Variants in BIN2 observed in about 807,000 individuals in gnomAD.
BIN2 encodes breast cancer associated protein BRAP1.
Under a neutral mutation model 67.9 loss-of-function variants are expected in BIN2, and 43 were observed. The observed-to-expected ratio is 0.63, with a 90% CI of 0.50 to 0.82. BIN2 has a LOEUF of 0.82. Among genes scored for constraint, BIN2 ranks in the 40% least tolerant of loss-of-function variants. The pLI, the probability that BIN2 is intolerant of heterozygous loss-of-function variation, is 0.00. For synonymous variants in BIN2, 244 were observed against 246.8 expected, an observed-to-expected ratio of 0.99 and a Z score of 0.11; for missense variants, 581 against 671.6, an observed-to-expected ratio of 0.87 and a Z score of 1.49.
At chr12:51,284,330 A>C (rs1458883189) in intron 12 of BIN2, among the ~76,000 whole-genome samples, 2 of 152,250 alleles carry the variant, frequency 1.3e-5, no homozygotes, top group Non-Finnish European at 2.9e-5. Flanking sequence ...TATACCATAC[A>C]GCCACACATA....
At chr12:51,282,572 A>G (rs1945141109) in intron 12 of BIN2, among the ~76,000 whole-genome samples, 1 of 152,170 alleles carries the variant, frequency 6.6e-6, no homozygotes, top group Non-Finnish European at 1.5e-5. Context: ...TGTATTTAAT[A>G]TACTATGCTT....
chr12:51,316,368 C>T (rs1320383997), intron 1 of BIN2, among the ~76,000 whole-genome samples: 1 of 150,074 alleles, frequency 6.7e-6, no homozygotes, highest in Non-Finnish European at 1.5e-5. Context: ...TGGTGGCAGA[C>T]GCATGTAATC....
chr12:51,295,773 A>G (rs1168441283), intron 9 of BIN2, 23 bp downstream of exon 9: 1 of 1,608,440 alleles, frequency 6.2e-7, no homozygotes, highest in Non-Finnish European at 8.5e-7. Context: ...AAGCGAAGCA[A>G]AAAAGTCTTG....
At chr12:51,287,842 G>C (rs919311608) in intron 11 of BIN2, among the ~76,000 whole-genome samples, 4 of 151,006 alleles carry the variant, frequency 2.6e-5, no homozygotes, top group African/African-American at 9.8e-5. Flanking sequence ...TAGTAGAGAC[G>C]GGGTTTCACC....
At chr12:51,284,384 G>A (rs1022868995) in intron 12 of BIN2, among the ~76,000 whole-genome samples, 1 of 152,012 alleles carries the variant, frequency 6.6e-6, no homozygotes, top group African/African-American at 2.4e-5. Flanking sequence ...GCATATCCTT[G>A]TTGTTGAGCA....
At chr12:51,301,175 G>A (rs112954096) in intron 5 of BIN2, among the ~76,000 whole-genome samples, 5 of 151,894 alleles carry the variant, frequency 3.3e-5, no homozygotes, top group Non-Finnish European at 5.9e-5. Context: ...CCAAGACTGC[G>A]CCATTGCACT....
intron 1 of BIN2, 145 bp downstream of exon 1, chr12:51,323,877 T>C: frequency 9.8e-7 from 1 of 1,015,256 alleles, no homozygotes; most frequent in South Asian, 1.8e-5. Context: ...TCGCTCCCGT[T>C]TCCCTGGGAG....
At chr12:51,308,111 C>G (rs1021234356) in intron 2 of BIN2, among the ~76,000 whole-genome samples, 7 of 151,880 alleles carry the variant, frequency 4.6e-5, no homozygotes, top group African/African-American at 1.5e-4. Context: ...ACCTATCTGT[C>G]CCCCCCTGGA....
At chr12:51,302,919 G>A (rs899461109) in intron 3 of BIN2, 139 bp from the exon 4 acceptor site, 35 of 1,102,050 alleles carry the variant, frequency 3.2e-5, no homozygotes, top group Non-Finnish European at 4.6e-5. Flanking sequence ...AAAGCTGGAT[G>A]GGGCTGAAAG....
intron 11 of BIN2, among the ~76,000 whole-genome samples, chr12:51,287,212 G>A (rs1945259108): frequency 6.6e-6 from 1 of 152,072 alleles, no homozygotes; most frequent in South Asian, 2.1e-4. Context: ...ATTCACAGGT[G>A]TGATCGTAGC....
intron 5 of BIN2, among the ~76,000 whole-genome samples, chr12:51,301,150 G>A (rs1162117570): frequency 3.9e-5 from 6 of 152,124 alleles, no homozygotes; most frequent in South Asian, 4.1e-4. Context: ...CCCGGGAGGC[G>A]GGGGTTGCAG....
In BIN2 at chr12:51,292,402, T is replaced by C. The variant is rs181671366; in HGVS notation, c.762-58A>G. 3,043 of 1,478,748 alleles carry C rather than the reference T, an allele frequency of 2.1e-3. 6 individuals are homozygous for C. The highest frequency in any genetic ancestry group is 2.6e-3 in the Non-Finnish European group (2,849 of 1,113,142). 91.6% of individuals were successfully genotyped at this position (1,478,748 alleles called of 1,614,324 possible). A position where few individuals can be genotyped will look rare whatever the true frequency, so the allele number is the denominator to read the frequency against. On this transcript the variant is annotated intron_variant, in intron 9 of 12. Coordinates refer to ENST00000615107, the MANE Select transcript of BIN2 (RefSeq NM_016293.4). ...CTAAAAACCAGAAGCAATGTAAATA[T>C]GCAAAACTTACGATGCATGTAATAA...
chr12:51,295,331 G>T (rs1316614073), intron 9 of BIN2, among the ~76,000 whole-genome samples: 1 of 147,338 alleles, frequency 6.8e-6, no homozygotes, highest in Non-Finnish European at 1.5e-5. Flanking sequence ...GGCGGATCAC[G>T]AGGTCAGGAG....
intron 1 of BIN2, among the ~76,000 whole-genome samples, chr12:51,317,121 C>T (rs992023323): frequency 3.9e-5 from 6 of 152,078 alleles, no homozygotes; most frequent in African/African-American, 1.4e-4. Context: ...GGTGATCCGC[C>T]CGCCTCAGCC....
upstream of BIN2, chr12:51,324,308 G>A (rs1347697301): frequency 2.9e-6 from 4 of 1,365,932 alleles, no homozygotes; most frequent in Admixed American, 9.4e-5. Flanking sequence ...CGGGCCCGGG[G>A]CCTACCCTCA....
At chr12:51,314,962 T>TC (rs148388496) in intron 1 of BIN2, among the ~76,000 whole-genome samples, 19,785 of 151,840 alleles carry the variant, frequency 0.13, 1,422 homozygotes, top group East Asian at 0.24. Flanking sequence ...CAAGCAATCC[T>TC]CCCACCTCAG....
chr12:51,314,029 T>TTTAC (rs2137431830), intron 1 of BIN2, 126 bp from the exon 2 acceptor site: 1 of 234,074 alleles, frequency 4.3e-6, no homozygotes, highest in South Asian at 1.7e-4. Context: ...TATTTATTTA[T>TTTAC]TTATTTATTT....
Position 51,324,072 on chromosome 12 carries a change from C to G in BIN2, c.31G>C (p.Gly11Arg). Reference protein sequence around the residue: MAEGKAGGAAGLFAKQVQKKF... With the variant: MAEGKAGGAARLFAKQVQKKF... ...TTCTGCACCTGCTTGGCGAAGAGGC[C>G]GGCCGCGCCGCCTGCCTTGCCCTCT... Residue 11 changes from glycine to arginine, a missense_variant, in exon 1 of 13, where the codon GGC (glycine) becomes CGC (arginine). By Grantham distance (125) the Gly-to-Arg change is moderately radical. Transcript: ENST00000615107. 1 of 1,613,444 alleles carries G rather than the reference C, an allele frequency of 6.2e-7. No individual in the cohort carries two copies. The highest frequency in any genetic ancestry group is 8.5e-7 in the Non-Finnish European group (1 of 1,179,692).
intron 2 of BIN2, among the ~76,000 whole-genome samples, chr12:51,311,269 T>C (rs1259298338): frequency 6.6e-6 from 1 of 152,052 alleles, no homozygotes; most frequent in African/African-American, 2.4e-5. Flanking sequence ...CGGGTTTGTC[T>C]CAAACTCCTA....
Sources: gnomAD v4.1 joint callset for allele counts (sites outside exome capture counted in the v4.1 genomes callset) on GRCh38, gnomAD v4.1.1 for gene constraint, MANE v1.5 for transcripts, NCBI Gene and HGNC (gene_info 2026-07-23, HGNC 2026-07-21) for gene names.